Variants in SATB2 observed in about 807,000 individuals in gnomAD.
SATB2 encodes the protein SATB homeobox 2, also known as DNA-binding protein SATB2.
SATB2 carries 1 observed loss-of-function variant against 73.4 expected under a neutral mutation model. The ratio of observed to expected loss-of-function variants is 0.01; its 90% CI spans 0.00 to 0.06. The LOEUF (loss-of-function observed/expected upper bound fraction) is 0.06. SATB2 is among the 10% of genes least tolerant of loss of function. SATB2 has a pLI of 1.00. For missense variants in SATB2, 459 were observed against 945.8 expected, an observed-to-expected ratio of 0.49 and a Z score of 6.75; for synonymous variants, 397 against 367.0, an observed-to-expected ratio of 1.08 and a Z score of -0.93.
intron 8 of SATB2, 58 bp downstream of exon 8, chr2:199,328,640 G>A: frequency 7.5e-7 from 1 of 1,327,112 alleles, no homozygotes; most frequent in Non-Finnish European, 1.1e-6. Context: ...ACAGTAACTA[G>A]TGAAGGCAAG....
At chr2:199,355,798 C>A (rs1483458680) in intron 6 of SATB2, among the ~76,000 whole-genome samples, 1 of 152,082 alleles carries the variant, frequency 6.6e-6, no homozygotes, top group Non-Finnish European at 1.5e-5. Flanking sequence ...GAATTTAAGA[C>A]TTTCCTTAGA....
intron 10 of SATB2, among the ~76,000 whole-genome samples, chr2:199,296,258 G>A (rs1033889656): frequency 1.3e-5 from 2 of 152,040 alleles, no homozygotes; most frequent in African/African-American, 4.8e-5. Flanking sequence ...GTTTTGTTTT[G>A]TTGTTGTTGT....
chr2:199,348,507 T>G (rs1688719952), intron 7 of SATB2, 194 bp downstream of exon 7: 1 of 624,884 alleles, frequency 1.6e-6, no homozygotes, highest in South Asian at 1.9e-5. Flanking sequence ...TCATCAAAAT[T>G]AATCAATTAG....
At chr2:199,417,034 T>TCACACACACA (rs1448560964) in intron 3 of SATB2, among the ~76,000 whole-genome samples, 3 of 71,022 alleles carry the variant, frequency 4.2e-5, no homozygotes, top group African/African-American at 1.4e-4. Context: ...AGACTCCGTC[T>TCACACACACA]CTCACACACA....
At chr2:199,315,684 C>T (rs1465736187) in intron 9 of SATB2, among the ~76,000 whole-genome samples, 1 of 152,032 alleles carries the variant, frequency 6.6e-6, no homozygotes, top group Admixed American at 6.5e-5. Context: ...TATTTCAGAA[C>T]AAATACAAAC....
chr2:199,460,766 C>A (rs1346664906), upstream of SATB2, among the ~76,000 whole-genome samples: 1 of 152,208 alleles, frequency 6.6e-6, no homozygotes. The surrounding 1 kb of genome is among the most constrained non-coding windows in gnomAD (Gnocchi z 4.0). Flanking sequence ...CTCTTATAAA[C>A]AACACGGCTG....
chr2:199,433,138 T>C (rs1051326258), intron 3 of SATB2, among the ~76,000 whole-genome samples, 200 bp downstream of exon 3: 15 of 152,232 alleles, frequency 9.9e-5, no homozygotes, highest in African/African-American at 3.4e-4. Context: ...GTTGATTTTG[T>C]GGCTCCAGAA....
In SATB2 at chr2:199,423,385, T is replaced by C. The variant is rs536975104; in HGVS notation, c.346+9953A>G. Among the ~76,000 whole-genome samples, 7 of 152,154 alleles carry C rather than the reference T, an allele frequency of 4.6e-5. No homozygotes were observed. The East Asian group carries it at 1.4e-3, about 29-fold the overall frequency. On this transcript the variant is annotated intron_variant, in intron 3 of 10. Transcript: ENST00000417098. ...ATGCTAGAGAACCACAGCCTCCAGG[T>C]GTGCTCTTTTAAAGTTTCTTAGCTT... is the stretch of plus-strand genomic sequence containing the variant.
At chr2:199,402,172 G>A (rs1690500480) in intron 3 of SATB2, among the ~76,000 whole-genome samples, 1 of 152,084 alleles carries the variant, frequency 6.6e-6, no homozygotes, top group African/African-American at 2.4e-5. Flanking sequence ...GGATCATGAG[G>A]TCAAGAGATT....
chr2:199,415,777 T>TAATCGTAGATTA (rs1690960111), intron 3 of SATB2, among the ~76,000 whole-genome samples: 2 of 152,324 alleles, frequency 1.3e-5, no homozygotes. Context: ...AAGCTAGATC[T>TAATCGTAGATTA]GGGGCACCTG....
intron 3 of SATB2, chr2:199,395,735 A>G (rs751571392): frequency 1.1e-4 from 17 of 152,214 alleles, no homozygotes; most frequent in Admixed American, 7.2e-4. Flanking sequence ...TAGGAAACAA[A>G]AGCTTTGCAA....
chr2:199,416,812 G>T (rs550750571), intron 3 of SATB2, among the ~76,000 whole-genome samples: 2 of 152,056 alleles, frequency 1.3e-5, no homozygotes, highest in Non-Finnish European at 2.9e-5. Flanking sequence ...TGAAGCAGGC[G>T]GATCATGAGG....
upstream of SATB2, among the ~76,000 whole-genome samples, chr2:199,469,442 C>G (rs924683323): frequency 1.3e-5 from 2 of 151,826 alleles, no homozygotes; most frequent in Non-Finnish European, 2.9e-5. Flanking sequence ...AAGCCAGCCC[C>G]GGCATCGCTC....
chr2:199,383,994 T>C (rs991455587), intron 3 of SATB2, among the ~76,000 whole-genome samples: 3 of 152,248 alleles, frequency 2.0e-5, no homozygotes, highest in African/African-American at 7.2e-5. Context: ...TCAAAATTTA[T>C]CAAACTGATC....
intron 10 of SATB2, among the ~76,000 whole-genome samples, chr2:199,278,141 G>A (rs1692373897): frequency 6.6e-6 from 1 of 152,162 alleles, no homozygotes; most frequent in Non-Finnish European, 1.5e-5. Flanking sequence ...ACTCAGAGAA[G>A]GCTCCCTACA....
At chr2:199,343,578 C>G (rs552107212) in intron 7 of SATB2, among the ~76,000 whole-genome samples, 2 of 152,292 alleles carry the variant, frequency 1.3e-5, no homozygotes, top group African/African-American at 4.8e-5. Context: ...CAGCAAAAAA[C>G]AATCTGCCTG....
chr2:199,328,925 GA>G lies in SATB2; in HGVS notation c.1174-16del, dbSNP rs555268633. The stretch of plus-strand genomic sequence containing the variant: ...GACAACAATCCCTGATTAAATGGGG[GA>G]AAAAAACAGACCAAGTCACATTTGC... On this transcript the variant is annotated splice_polypyrimidine_tract_variant and intron_variant, in intron 7 of 10. Coordinates refer to ENST00000417098, the MANE Select transcript of SATB2 (RefSeq NM_001172509.2). 728 of 1,591,798 alleles carry G rather than the reference GA, an allele frequency of 4.6e-4. 2 individuals carry two copies. Among genetic ancestry groups the G allele is most frequent in the South Asian group, 7.3e-4 (66 of 90,380 alleles).
Position 199,376,808 on chromosome 2 carries a change from G to T in SATB2, c.597+3556C>A, listed in dbSNP as rs981433804. ...GAAGTAGCAACTACTTCAACCAGGA[G>T]GTTGAGGCACTTCACTAGCAGTGTC... On this transcript the variant is annotated intron_variant, in intron 5 of 10. Coordinates refer to ENST00000417098, the MANE Select transcript of SATB2 (RefSeq NM_001172509.2). Among the ~76,000 whole-genome samples, 30 of 152,258 alleles carry T rather than the reference G, an allele frequency of 2.0e-4. No individual in the cohort carries two copies. In the East Asian group the frequency reaches 2.5e-3, roughly 13 times the overall value.
intron 10 of SATB2, among the ~76,000 whole-genome samples, chr2:199,288,795 CACTG>C (rs1346393013): frequency 6.6e-5 from 10 of 152,148 alleles, no homozygotes; most frequent in Middle Eastern, 3.4e-3. Flanking sequence ...ATTACCACAC[CACTG>C]ACATATTATA....
Sources: gnomAD v4.1 joint callset for allele counts (sites outside exome capture counted in the v4.1 genomes callset) on GRCh38, gnomAD v4.1.1 for gene constraint, Gnocchi (gnomAD v3.1) non-coding constraint, MANE v1.5 for transcripts, NCBI Gene and HGNC (gene_info 2026-07-23, HGNC 2026-07-21) for gene names.